The following WWOX variants were observed in gnomAD, a reference collection of about 807,000 sequenced individuals.
The protein encoded by WWOX is WW domain-containing oxidoreductase.
In WWOX, 69 loss-of-function variants were observed where a neutral mutation model predicts 46.2. The observed-to-expected ratio is 1.49, with a 90% confidence interval of 1.23 to 1.82. WWOX has a LOEUF of 1.82. WWOX is among the 40% of genes most tolerant of loss of function. WWOX has a pLI of 0.00. For missense variants in WWOX, 919 were observed against 542.6 expected (o/e 1.69, Z -6.89); for synonymous variants, 359 against 202.6 (o/e 1.77, Z -6.56).
intron 5 of WWOX, among the ~76,000 whole-genome samples, chr16:78,204,515 A>AT (rs34768033): frequency 0.69 from 105,264 of 151,882 alleles, 37,489 homozygotes; most frequent in East Asian, 0.87. Flanking sequence ...TATTCCTTGT[A>AT]TTTTTTTGTA....
At chr16:78,618,059 T>A (rs998284138) in intron 8 of WWOX, among the ~76,000 whole-genome samples, 2 of 152,204 alleles carry the variant, frequency 1.3e-5, no homozygotes, top group Non-Finnish European at 2.9e-5. Flanking sequence ...TGTTCTTGAA[T>A]TAAATTTTCA....
At chr16:78,759,004 G>A (rs1009292963) in intron 8 of WWOX, among the ~76,000 whole-genome samples, 22 of 149,946 alleles carry the variant, frequency 1.5e-4, no homozygotes, top group African/African-American at 5.4e-4. Context: ...TGTTTAATTC[G>A]AAGCTCCTGA....
At chr16:78,637,035 C>T (rs2046588772) in intron 8 of WWOX, among the ~76,000 whole-genome samples, 1 of 152,206 alleles carries the variant, frequency 6.6e-6, no homozygotes, top group South Asian at 2.1e-4. Flanking sequence ...GCTGTCCAAT[C>T]CCTGCTCATC....
intron 8 of WWOX, among the ~76,000 whole-genome samples, chr16:78,782,114 T>A (rs148901597): frequency 5.9e-5 from 9 of 152,244 alleles, no homozygotes; most frequent in African/African-American, 1.9e-4. Flanking sequence ...GCAGCAAATG[T>A]AAATCACCAC....
chr16:78,423,713 G>A (rs772391010), intron 6 of WWOX, among the ~76,000 whole-genome samples: 2 of 151,992 alleles, frequency 1.3e-5, no homozygotes, highest in African/African-American at 4.8e-5. Flanking sequence ...ATGCATGGTG[G>A]TGTGCCCCTG....
intron 8 of WWOX, among the ~76,000 whole-genome samples, chr16:78,524,737 T>G (rs760125160): frequency 2.9e-4 from 44 of 150,670 alleles, no homozygotes; most frequent in Non-Finnish European, 5.6e-4. Flanking sequence ...TCTTTTTAAG[T>G]AACAAAGTAT....
intron 7 of WWOX, 61 bp from the exon 8 acceptor site, chr16:78,432,427 A>C: frequency 6.2e-7 from 1 of 1,600,050 alleles, no homozygotes; most frequent in Non-Finnish European, 8.5e-7. Context: ...TCCAATAAAA[A>C]TAAAAAGCTG....
intron 8 of WWOX, among the ~76,000 whole-genome samples, chr16:78,659,623 A>T (rs934389529): frequency 6.6e-6 from 1 of 152,004 alleles, no homozygotes. Flanking sequence ...GCACTGTACT[A>T]CTCATCTCTG....
chr16:78,472,288 A>C, intron 8 of WWOX, among the ~76,000 whole-genome samples: 1 of 152,208 alleles, frequency 6.6e-6, no homozygotes. Context: ...GAATGTGGTC[A>C]GCCTCTTATC....
intron 5 of WWOX, among the ~76,000 whole-genome samples, chr16:78,251,283 C>T (rs1377233364): frequency 1.3e-5 from 2 of 152,164 alleles, no homozygotes; most frequent in East Asian, 3.9e-4. Flanking sequence ...ACAGTATGTT[C>T]TTATATGCCC....
chr16:78,759,130 C>A (rs752210098), intron 8 of WWOX, among the ~76,000 whole-genome samples: 2 of 152,046 alleles, frequency 1.3e-5, no homozygotes, highest in Non-Finnish European at 2.9e-5. Flanking sequence ...CCTGGCTGAT[C>A]TGTGCAATTT....
At chr16:78,422,720 CAT>C (rs1160494046) in intron 6 of WWOX, among the ~76,000 whole-genome samples, 55 of 95,860 alleles carry the variant, frequency 5.7e-4, no homozygotes, top group South Asian at 3.2e-3. Context: ...TACACACACA[CAT>C]ATATATATAC....
At chr16:78,108,360 A>G (rs1398057738) in intron 1 of WWOX, 63 bp from the exon 2 acceptor site, 6 of 1,526,198 alleles carry the variant, frequency 3.9e-6, no homozygotes, top group African/African-American at 1.4e-5. Context: ...ATTTAATACA[A>G]TTGATTACTT....
intron 4 of WWOX, among the ~76,000 whole-genome samples, chr16:78,127,418 T>C (rs2033406693): frequency 6.6e-6 from 1 of 151,768 alleles, no homozygotes. Context: ...TATAAATAAC[T>C]GCTTTAGACA....
intron 8 of WWOX, among the ~76,000 whole-genome samples, chr16:79,108,699 T>A (rs1056964635): frequency 6.6e-6 from 1 of 152,040 alleles, no homozygotes; most frequent in Non-Finnish European, 1.5e-5. Flanking sequence ...CCCAGGAGTT[T>A]GAGACCAGCC....
chr16:78,799,266 G>C (rs756354943), intron 8 of WWOX, among the ~76,000 whole-genome samples: 5 of 152,152 alleles, frequency 3.3e-5, no homozygotes, highest in Admixed American at 2.0e-4. Flanking sequence ...CTTTAACGGA[G>C]AGTTCATGGG....
At chr16:79,031,123 T>C (rs2047744913) in intron 8 of WWOX, among the ~76,000 whole-genome samples, 1 of 149,858 alleles carries the variant, frequency 6.7e-6, no homozygotes, top group Admixed American at 6.6e-5. Flanking sequence ...AGTAGGAAAC[T>C]ATATAAACAC....
intron 8 of WWOX, among the ~76,000 whole-genome samples, chr16:78,997,537 C>A (rs2047014203): frequency 6.6e-6 from 1 of 152,108 alleles, no homozygotes; most frequent in South Asian, 2.1e-4. Flanking sequence ...CTCTTTCTGG[C>A]TTTCACCTAA....
chr16:78,518,215 T>G (rs1029782992), intron 8 of WWOX, among the ~76,000 whole-genome samples: 1 of 152,094 alleles, frequency 6.6e-6, no homozygotes, highest in African/African-American at 2.4e-5. Context: ...TTGTTATTAT[T>G]ATTATTAATG....
Sources: gnomAD v4.1 joint callset for allele counts (sites outside exome capture counted in the v4.1 genomes callset) on GRCh38, gnomAD v4.1.1 for gene constraint, MANE v1.5 for transcripts, NCBI Gene and HGNC (gene_info 2026-07-23, HGNC 2026-07-21) for gene names.